Variants in CLDN2 observed in about 807,000 individuals in gnomAD.
The protein encoded by CLDN2 is claudin 2.
Under a neutral mutation model 8.2 loss-of-function variants are expected in CLDN2, and 1 was observed. That is an observed-to-expected ratio of 0.12 (90% CI 0.04 to 0.58). The LOEUF is 0.58. CLDN2 is among the 20% of genes least tolerant of loss of function. CLDN2 has a pLI of 0.90. For synonymous variants in CLDN2, 70 were observed against 70.2 expected (o/e 1.00, Z 0.01); for missense variants, 108 against 172.9 (o/e 0.62, Z 2.11).
At chrX:106,900,512 A>G in intron 1 of CLDN2, 1 of 418,618 alleles carries the variant, frequency 2.4e-6, no homozygotes, top group Non-Finnish European at 3.8e-6. Context: ...CAGGTAAGCC[A>G]GGGTGAGCTG....
chrX:106,918,633 C>A (rs969130770), upstream of CLDN2, among the ~76,000 whole-genome samples: 11 of 112,205 alleles, frequency 9.8e-5, no homozygotes, highest in African/African-American at 3.6e-4. Flanking sequence ...GGTACCCAGG[C>A]CTTGCTCTGT....
intron 1 of CLDN2, among the ~76,000 whole-genome samples, chrX:106,921,536 C>T (rs750399218): frequency 3.0e-4 from 33 of 111,760 alleles, no homozygotes; most frequent in Non-Finnish European, 5.6e-4. Context: ...CCCAGAAGGC[C>T]ACATCAGTTC....
At chrX:106,927,824 C>A (rs777583687) in intron 1 of CLDN2, among the ~76,000 whole-genome samples, 124 of 112,642 alleles carry the variant, frequency 1.1e-3, no homozygotes, top group Middle Eastern at 9.3e-3. Context: ...TCATCACCTT[C>A]CCGGAAAGCA....
intron 1 of CLDN2, among the ~76,000 whole-genome samples, chrX:106,925,335 C>T (rs1233365325): frequency 8.9e-6 from 1 of 112,232 alleles, no homozygotes; most frequent in South Asian, 3.7e-4. Flanking sequence ...GAGTAAGAGA[C>T]ATCTGTGCTG....
Position 106,929,089 on chromosome X carries a change from G to A in CLDN2, c.*168G>A, listed in dbSNP as rs1933510890. ...AGCAAAGGCAGAAATGGGGGCTAGT[G>A]TAACAGCATGCAGGTTGAATTGCCA... On this transcript the variant is annotated 3_prime_UTR_variant, in exon 2 of 2. Transcript: ENST00000336803. 6 of 457,858 alleles carry A rather than the reference G, an allele frequency of 1.3e-5. No individual in the cohort carries two copies. Among genetic ancestry groups the A allele is most frequent in the Non-Finnish European group, 1.9e-5 (5 of 261,815 alleles). The allele number at this position is 457,858 out of a possible 1,213,427, so 37.7% of individuals were successfully genotyped here. A position where few individuals can be genotyped will look rare whatever the true frequency, so the allele number is the denominator to read the frequency against.
At chrX:106,916,072 G>GAA (rs760818668), upstream of CLDN2, among the ~76,000 whole-genome samples, 3 of 77,271 alleles carry the variant, frequency 3.9e-5, no homozygotes, top group African/African-American at 9.5e-5. Flanking sequence ...GTTGAATTAA[G>GAA]AAAAAAAAAA....
chrX:106,902,056 G>A, intron 1 of CLDN2: 1 of 815,375 alleles, frequency 1.2e-6, no homozygotes, highest in South Asian at 2.3e-5. Context: ...TTGGACTGAG[G>A]TCAGGGGCTC....
At chrX:106,902,307 G>C in intron 1 of CLDN2, 1 of 719,288 alleles carries the variant, frequency 1.4e-6, no homozygotes, top group Non-Finnish European at 2.1e-6. Context: ...GCTTGGCTCA[G>C]GTGCCATCTG....
At chrX:106,910,583 C>T (rs923752890) in intron 1 of CLDN2, among the ~76,000 whole-genome samples, 1 of 109,698 alleles carries the variant, frequency 9.1e-6, no homozygotes, top group Non-Finnish European at 1.9e-5. Context: ...TGGCTTGGGG[C>T]ACCTGTAATC....
chrX:106,910,417 C>T (rs1488558213), intron 1 of CLDN2, among the ~76,000 whole-genome samples: 2 of 110,895 alleles, frequency 1.8e-5, no homozygotes, highest in African/African-American at 6.6e-5. Context: ...TAAAGGTGAG[C>T]AGAGACTGGG....
At chrX:106,909,768 C>T (rs952338766) in intron 1 of CLDN2, among the ~76,000 whole-genome samples, 1 of 112,007 alleles carries the variant, frequency 8.9e-6, no homozygotes, top group Non-Finnish European at 1.9e-5. Context: ...GTTCCTGGGA[C>T]GGGGGTCCCC....
At chrX:106,903,078 T>C in intron 1 of CLDN2, 1 of 1,183,067 alleles carries the variant, frequency 8.5e-7, no homozygotes, top group Non-Finnish European at 1.1e-6. Context: ...TTCCTTCCTC[T>C]CTCAGGAAGC....
At chrX:106,911,435 A>T (rs1273803448) in intron 1 of CLDN2, among the ~76,000 whole-genome samples, 1 of 110,264 alleles carries the variant, frequency 9.1e-6, no homozygotes, top group Non-Finnish European at 1.9e-5. Flanking sequence ...TCTCCCCCTT[A>T]CTTCCAGCAG....
At chrX:106,909,941 A>G (rs1933227199) in intron 1 of CLDN2, among the ~76,000 whole-genome samples, 1 of 111,068 alleles carries the variant, frequency 9.0e-6, no homozygotes, top group South Asian at 3.8e-4. Context: ...GCCTAGAAAA[A>G]CAAAGCTCTG....
At chrX:106,900,786 T>A (rs1298152726) in intron 1 of CLDN2, 1 of 1,209,207 alleles carries the variant, frequency 8.3e-7, no homozygotes, top group African/African-American at 1.7e-5. Flanking sequence ...TTCATCTTCC[T>A]CTTCTTCTTC....
exon 1 of CLDN2, chrX:106,900,422 G>C: frequency 5.7e-6 from 1 of 175,708 alleles, no homozygotes; most frequent in East Asian, 1.3e-4. Flanking sequence ...CTTCCTTCTA[G>C]AGCTCCTAGA....
chrX:106,924,501 CTA>C (rs759663467), intron 1 of CLDN2, among the ~76,000 whole-genome samples: 29 of 110,483 alleles, frequency 2.6e-4, no homozygotes, highest in Admixed American at 9.7e-4. Context: ...GAGATTCAAA[CTA>C]TGTTTCTCTC....
At chrX:106,914,505 C>T (rs957151328), upstream of CLDN2, among the ~76,000 whole-genome samples, 2 of 111,598 alleles carry the variant, frequency 1.8e-5, no homozygotes, top group Non-Finnish European at 3.8e-5. Flanking sequence ...CAACCAAAAA[C>T]CACATATTGC....
chrX:106,900,663 G>T (rs1933076128), intron 1 of CLDN2: 2 of 1,125,692 alleles, frequency 1.8e-6, no homozygotes, highest in Non-Finnish European at 2.3e-6. Flanking sequence ...ATAGGTTAGG[G>T]GTGAGGAAGG....
Sources: gnomAD v4.1 joint callset for allele counts (sites outside exome capture counted in the v4.1 genomes callset) on GRCh38, gnomAD v4.1.1 for gene constraint, MANE v1.5 for transcripts, NCBI Gene and HGNC (gene_info 2026-07-23, HGNC 2026-07-21) for gene names.